Variants in CBX7 observed in about 807,000 individuals in gnomAD.
CBX7 encodes chromobox 7, also known as chromobox protein homolog 7.
In CBX7, 14 loss-of-function variants were observed where a neutral mutation model predicts 31.4. The ratio of observed to expected loss-of-function variants is 0.45; its 90% confidence interval spans 0.29 to 0.70. The LOEUF (loss-of-function observed/expected upper bound fraction) is 0.70. Ranked by LOEUF, CBX7 falls within the 30% of genes least tolerant of loss-of-function variation. The pLI, the probability that CBX7 is intolerant of heterozygous loss-of-function variation, is 0.11. For synonymous variants in CBX7, 159 were observed against 152.6 expected (o/e 1.04, Z -0.31); for missense variants, 269 against 351.9 (o/e 0.76, Z 1.89).
At chr22:39,144,555 G>A (rs1275199277) in intron 2 of CBX7, among the ~76,000 whole-genome samples, 12 of 152,254 alleles carry the variant, frequency 7.9e-5, no homozygotes, top group Admixed American at 7.8e-4. Flanking sequence ...AGCCCCTGCA[G>A]AATGCCGAAA....
At chr22:39,145,824 G>GGCCGCCCAGCC in intron 2 of CBX7, among the ~76,000 whole-genome samples, 1 of 151,518 alleles carries the variant, frequency 6.6e-6, no homozygotes, top group African/African-American at 2.4e-5. Context: ...AACAAGCCCC[G>GGCCGCCCAGCC]GCCGCCCAGC....
At chr22:39,141,332 G>A (rs764250660) in intron 3 of CBX7, 39 bp downstream of exon 3, 30 of 1,577,554 alleles carry the variant, frequency 1.9e-5, no homozygotes, top group South Asian at 2.3e-5. Flanking sequence ...CCTCTGAGCC[G>A]GCCCTAAGCC....
At position 39,134,694 on chromosome 22, in the gene CBX7, CAGAGCT is replaced by C; in HGVS notation, c.299_304del (p.Lys100_Cys102delinsSer). On this transcript the variant is annotated inframe_deletion, in exon 5 of 6. Transcript: ENST00000216133. Reference sequence around the variant, plus strand: ...GCCGAGTGGGCACGTCAGGGAGAAGCAGAGCTTCTCCTTGCCCTTGGCCTTGTGGGA... The same window carrying C: ...GCCGAGTGGGCACGTCAGGGAGAAGCTCTCCTTGCCCTTGGCCTTGTGGGA... 6.3e-7 allele frequency: 1 copy of C among 1,582,366 alleles called. No individual in the cohort carries two copies. The highest frequency in any genetic ancestry group is 8.6e-7 in the Non-Finnish European group (1 of 1,163,326).
rs1040815343 is a variant in CBX7 at position 39,152,541 on chromosome 22, C to A, written c.-97G>T. The A allele has an allele frequency of 4.4e-6, 2 of 450,334 alleles. No individual in the cohort carries two copies. Among genetic ancestry groups the A allele is most frequent in the African/African-American group, 2.1e-5 (1 of 46,744 alleles). The allele number at this position is 450,334 out of a possible 1,614,324, so 27.9% of individuals were successfully genotyped here. A position where few individuals can be genotyped will look rare whatever the true frequency, so the allele number is the denominator to read the frequency against. The stretch of plus-strand genomic sequence containing the variant: ...GCGCGATGCTGGGGCTGGCGGGGTC[C>A]CCGTCACCCTCGTCCGGGCGCGCAC... On this transcript the variant is annotated 5_prime_UTR_variant, in exon 1 of 6. Transcript: ENST00000216133. The surrounding 1 kb of genome is among the most constrained non-coding windows in gnomAD (Gnocchi z 4.9).
At position 39,144,112 on chromosome 22, in the gene CBX7, G is replaced by A. The variant is rs1056525371; in HGVS notation, c.114-2676C>T. On this transcript the variant is annotated intron_variant, in intron 2 of 5. Transcript: ENST00000216133. ...CTAGAGCTGAGGCCTCTACCTTACA[G>A]TATCCCGGGAACTACCTAACGCTAG... 2.0e-5 allele frequency among the ~76,000 whole-genome samples: 3 copies of A among 152,180 alleles called. No homozygotes were observed. The East Asian group carries it at 5.8e-4, about 29-fold the overall frequency.
intron 3 of CBX7, among the ~76,000 whole-genome samples, chr22:39,139,003 T>C (rs549228953): frequency 1.4e-4 from 21 of 152,354 alleles, no homozygotes; most frequent in African/African-American, 4.8e-4. Context: ...GGCTCTGCTC[T>C]ACGTGCTCCT....
In CBX7 at chr22:39,143,667, A is replaced by G. The variant is rs557895559; in HGVS notation, c.114-2231T>C. 2.6e-5 allele frequency among the ~76,000 whole-genome samples: 4 copies of G among 152,346 alleles called. No individual in the cohort carries two copies. In the South Asian group the frequency reaches 8.3e-4, roughly 32 times the overall value. On this transcript the variant is annotated intron_variant, in intron 2 of 5. Coordinates refer to ENST00000216133, the MANE Select transcript of CBX7 (RefSeq NM_175709.5). ...TGACAGAGCAACTTCCAGCCCCGCA[A>G]TCTCTGTGCCTGGGAAGTGCTCTAG...
intron 1 of CBX7, among the ~76,000 whole-genome samples, chr22:39,151,949 G>C (rs1346032886): frequency 6.6e-6 from 1 of 152,132 alleles, no homozygotes; most frequent in Non-Finnish European, 1.5e-5. Context: ...GGCCGGAGGA[G>C]ACTTTTCCAA....
rs148637787 is a variant in CBX7 at position 39,134,023 on chromosome 22, G to A, written c.624C>T (p.Pro208=). Residue 208 remains proline, a synonymous_variant, in exon 6 of 6, where the codon CCC becomes CCT. Transcript: ENST00000216133. ...EEADADLAEG[P]PPWTPALPSS... ...AGGGGAGCGCAGGTGTCCAGGGAGGGGGCCCCTCGGCCAGGTCGGCATCTG... is the reference window on the plus strand; with the variant it reads ...AGGGGAGCGCAGGTGTCCAGGGAGGAGGCCCCTCGGCCAGGTCGGCATCTG... 2 of 1,606,394 alleles carry A rather than the reference G, an allele frequency of 1.2e-6. No individual in the cohort carries two copies. Among genetic ancestry groups the A allele is most frequent in the African/African-American group, 1.3e-5 (1 of 74,764 alleles).
chr22:39,138,851 G>A, intron 3 of CBX7, 149 bp from the exon 4 acceptor site: 1 of 726,530 alleles, frequency 1.4e-6, no homozygotes. Flanking sequence ...TTGCCTGGCT[G>A]GGGCCATAAC....
At chr22:39,142,246 G>A (rs1010267718) in intron 2 of CBX7, among the ~76,000 whole-genome samples, 8 of 152,286 alleles carry the variant, frequency 5.3e-5, no homozygotes, top group Admixed American at 2.0e-4. Context: ...GAGTAACAGC[G>A]TGCCTGATGT....
chr22:39,138,998 T>C (rs1332691718), intron 3 of CBX7, among the ~76,000 whole-genome samples: 2 of 152,222 alleles, frequency 1.3e-5, no homozygotes. Flanking sequence ...GTGCGGGCTC[T>C]GCTCTACGTG....
At chr22:39,148,215 C>G (rs984160305) in intron 2 of CBX7, 5 of 152,274 alleles carry the variant, frequency 3.3e-5, no homozygotes, top group South Asian at 2.1e-4. Context: ...GCTAGGGGCA[C>G]AGCGCAACAG....
intron 4 of CBX7, among the ~76,000 whole-genome samples, chr22:39,138,073 G>A (rs951996055): frequency 7.9e-5 from 12 of 151,954 alleles, no homozygotes; most frequent in Admixed American, 7.2e-4. Flanking sequence ...CCCAGCTACT[G>A]GGGAGGCTGA....
rs1347779608 is a variant in CBX7, at chr22:39,152,341, C to G, written c.69+35G>C. On this transcript the variant is annotated intron_variant, in intron 1 of 5. Coordinates refer to ENST00000216133, the MANE Select transcript of CBX7 (RefSeq NM_175709.5). This position sits in a 1 kb window ranked among gnomAD's most constrained non-coding sequence, Gnocchi z 4.9. ...GGTGCTGGGGACGGGAGGGACCCCA[C>G]TGGGGTCCTGGGAGCCGCCCCCGGG... is the stretch of plus-strand genomic sequence containing the variant. 1.5e-6 allele frequency: 2 copies of G among 1,333,128 alleles called. No homozygotes were observed. Among genetic ancestry groups the G allele is most frequent in the Admixed American group, 3.0e-5 (1 of 33,086 alleles). 82.6% of individuals were successfully genotyped at this position (1,333,128 alleles called of 1,614,324 possible).
At chr22:39,134,994 C>A (rs188740195) in intron 4 of CBX7, 2 of 484,496 alleles carry the variant, frequency 4.1e-6, no homozygotes, top group Non-Finnish European at 7.3e-6. Flanking sequence ...CGCGTCCCAG[C>A]GTTTACTCCT....
In CBX7 at chr22:39,152,278, C is replaced by T. The variant is rs1162170849; in HGVS notation, c.69+98G>A. ...CAGCGCAGGGCTGCCGGGGCCCCCG[C>T]GCCCCGCTTTCCCCTTCAGCCCCAG... On this transcript the variant is annotated intron_variant, in intron 1 of 5. Transcript: ENST00000216133. The surrounding 1 kb of genome is among the most constrained non-coding windows in gnomAD (Gnocchi z 4.9). The T allele has an allele frequency of 5.4e-6, 4 of 740,984 alleles. No individual in the cohort carries two copies. The highest frequency in any genetic ancestry group is 7.2e-6 in the Non-Finnish European group (4 of 552,550). 45.9% of individuals were successfully genotyped at this position (740,984 alleles called of 1,614,324 possible). A position where few individuals can be genotyped will look rare whatever the true frequency, so the allele number is the denominator to read the frequency against.
chr22:39,149,001 C>T (rs1222425483), intron 2 of CBX7: 1 of 151,346 alleles, frequency 6.6e-6, no homozygotes, highest in African/African-American at 2.4e-5. Context: ...GGTGGGGCAC[C>T]CACAGACCAA....
rs1260631758 is a variant in CBX7 at position 39,131,925 on chromosome 22, A to G, written c.*1966T>C. 1 of 152,328 alleles carries G rather than the reference A, an allele frequency of 6.6e-6. No homozygotes were observed. The highest frequency in any genetic ancestry group is 1.9e-4 in the East Asian group (1 of 5,186). The allele number at this position is 152,328 out of a possible 1,614,324, so 9.4% of individuals were successfully genotyped here. On this transcript the variant is annotated 3_prime_UTR_variant, in exon 6 of 6. Coordinates refer to ENST00000216133, the MANE Select transcript of CBX7 (RefSeq NM_175709.5). ...CTCCGCTGGGCACCCCTCTCCTGGAAGAGTCCCCTCTGAACCCCAAGCTTC... is the reference window on the plus strand; with the variant it reads ...CTCCGCTGGGCACCCCTCTCCTGGAGGAGTCCCCTCTGAACCCCAAGCTTC...
Sources: gnomAD v4.1 joint callset for allele counts (sites outside exome capture counted in the v4.1 genomes callset) on GRCh38, gnomAD v4.1.1 for gene constraint, Gnocchi (gnomAD v3.1) non-coding constraint, MANE v1.5 for transcripts, NCBI Gene and HGNC (gene_info 2026-07-23, HGNC 2026-07-21) for gene names.